Variants in MACROD2 observed in about 807,000 individuals in gnomAD.
MACROD2 encodes ADP-ribose glycohydrolase MACROD2.
In MACROD2, 36 loss-of-function variants were observed where a neutral mutation model predicts 70.4. The ratio of observed to expected loss-of-function variants is 0.51; its 90% CI spans 0.39 to 0.68. The LOEUF (loss-of-function observed/expected upper bound fraction) is 0.68. Among genes scored for constraint, MACROD2 ranks in the 30% least tolerant of loss-of-function variants. The probability of loss-of-function intolerance (pLI) is 0.00; values close to 1 mark genes in which losing one functional copy is unlikely to be tolerated. For synonymous variants in MACROD2, 172 were observed against 178.8 expected (o/e 0.96, Z 0.30); for missense variants, 496 against 538.4 (o/e 0.92, Z 0.78).
intron 5 of MACROD2, among the ~76,000 whole-genome samples, chr20:14,790,789 A>G (rs1213974078): frequency 2.0e-5 from 3 of 152,058 alleles, no homozygotes; most frequent in African/African-American, 7.3e-5. Context: ...TGGAGTTTAG[A>G]CCACAAACAC....
At chr20:14,741,365 T>C (rs1434886427) in intron 5 of MACROD2, among the ~76,000 whole-genome samples, 4 of 152,168 alleles carry the variant, frequency 2.6e-5, no homozygotes, top group African/African-American at 9.7e-5. Flanking sequence ...TCAGAGAAGG[T>C]AATGTTGGCG....
At chr20:14,754,672 T>C (rs1171867365) in intron 5 of MACROD2, among the ~76,000 whole-genome samples, 2 of 152,084 alleles carry the variant, frequency 1.3e-5, no homozygotes, top group African/African-American at 4.8e-5. Context: ...AAGAACACTC[T>C]GGCCCATAGA....
At chr20:14,842,084 C>T (rs1219634813) in intron 5 of MACROD2, among the ~76,000 whole-genome samples, 3 of 152,048 alleles carry the variant, frequency 2.0e-5, no homozygotes, top group Non-Finnish European at 4.4e-5. Context: ...AATTAAAGGG[C>T]TGCATCTGGT....
chr20:14,272,214 GA>G (rs1030519782), intron 3 of MACROD2, among the ~76,000 whole-genome samples: 11 of 152,080 alleles, frequency 7.2e-5, no homozygotes, highest in African/African-American at 2.7e-4. Flanking sequence ...AAGTTGAAAT[GA>G]AGGAAAAAAT....
chr20:14,565,777 T>G (rs1025118152), intron 4 of MACROD2, among the ~76,000 whole-genome samples: 3 of 151,896 alleles, frequency 2.0e-5, no homozygotes, highest in African/African-American at 7.2e-5. Flanking sequence ...CCCCCTGCCT[T>G]TCTCTGGCTT....
Position 14,035,516 on chromosome 20 carries a change from A to G in MACROD2, c.163+33112A>G, listed in dbSNP as rs1484026278. ...AATCTGTAATGTAAAATTCCTGTAAATGACTAAGCAATATGTAAAATATCA... is the reference window on the plus strand; with the variant it reads ...AATCTGTAATGTAAAATTCCTGTAAGTGACTAAGCAATATGTAAAATATCA... On this transcript the variant is annotated intron_variant, in intron 2 of 17. Coordinates refer to ENST00000684519, the MANE Select transcript of MACROD2 (RefSeq NM_001351661.2). Among the ~76,000 whole-genome samples the G allele has an allele frequency of 3.9e-5, 6 of 152,194 alleles. No individual in the cohort carries two copies. The East Asian group carries it at 1.2e-3, about 29-fold the overall frequency.
At chr20:14,424,322 A>G (rs1451363768) in intron 3 of MACROD2, among the ~76,000 whole-genome samples, 1 of 152,122 alleles carries the variant, frequency 6.6e-6, no homozygotes, top group Non-Finnish European at 1.5e-5. Context: ...AGGTTCTAAA[A>G]TGTGACTTAA....
chr20:15,531,283 A>G (rs1848047211), intron 8 of MACROD2, among the ~76,000 whole-genome samples: 1 of 151,486 alleles, frequency 6.6e-6, no homozygotes, highest in Admixed American at 6.6e-5. Context: ...ATTTCTATAT[A>G]ATTATTTTTA....
intron 8 of MACROD2, among the ~76,000 whole-genome samples, chr20:15,821,525 T>G (rs2063937896): frequency 6.6e-6 from 1 of 152,184 alleles, no homozygotes; most frequent in African/African-American, 2.4e-5. Context: ...ACTTTTAGTT[T>G]TCTTATTGAA....
intron 4 of MACROD2, among the ~76,000 whole-genome samples, chr20:14,646,583 A>G (rs1011759639): frequency 6.6e-6 from 1 of 152,004 alleles, no homozygotes; most frequent in South Asian, 2.1e-4. Context: ...TTTTTTTTCC[A>G]TAGTAAAAAA....
intron 2 of MACROD2, among the ~76,000 whole-genome samples, chr20:14,049,578 T>TA (rs770690841): frequency 4.4e-3 from 526 of 118,210 alleles, no homozygotes; most frequent in East Asian, 7.8e-3. Context: ...CTGTCTCTAC[T>TA]AAAAAAAAAA....
intron 4 of MACROD2, among the ~76,000 whole-genome samples, chr20:14,516,808 T>C (rs665057): frequency 0.18 from 27,554 of 152,064 alleles, 2,790 homozygotes; most frequent in South Asian, 0.36. Flanking sequence ...AAAGGGCTAA[T>C]ATCCAGAATC....
chr20:15,805,688 C>T (rs968787391), intron 8 of MACROD2, among the ~76,000 whole-genome samples: 6 of 152,114 alleles, frequency 3.9e-5, no homozygotes, highest in African/African-American at 1.4e-4. Context: ...GTTGGTAAGG[C>T]TGGTCTCAAA....
intron 3 of MACROD2, among the ~76,000 whole-genome samples, chr20:14,243,369 A>T (rs1321183254): frequency 1.3e-5 from 2 of 152,116 alleles, no homozygotes; most frequent in African/African-American, 4.8e-5. Context: ...TTGCTTTTTC[A>T]TCTACAAGTT....
intron 6 of MACROD2, among the ~76,000 whole-genome samples, chr20:15,342,379 T>C (rs759559627): frequency 2.6e-5 from 4 of 152,156 alleles, no homozygotes; most frequent in Non-Finnish European, 4.4e-5. Context: ...GAGTTACGAC[T>C]TGGCTTGTAT....
intron 5 of MACROD2, among the ~76,000 whole-genome samples, chr20:14,906,783 A>G (rs1368848672): frequency 1.3e-5 from 2 of 152,194 alleles, no homozygotes; most frequent in African/African-American, 4.8e-5. Context: ...CTCAGGACTT[A>G]AAACTGCTTC....
At chr20:15,282,771 G>A (rs916750810) in intron 6 of MACROD2, among the ~76,000 whole-genome samples, 1 of 152,100 alleles carries the variant, frequency 6.6e-6, no homozygotes, top group African/African-American at 2.4e-5. Context: ...TCCAACCTCT[G>A]CCTGTTACCC....
intron 8 of MACROD2, among the ~76,000 whole-genome samples, chr20:15,681,577 G>A (rs2050160593): frequency 6.6e-6 from 1 of 152,172 alleles, no homozygotes; most frequent in Non-Finnish European, 1.5e-5. Context: ...TTTGTTTGGG[G>A]CTTCAGGTGT....
chr20:14,260,052 C>G (rs1040662118), intron 3 of MACROD2, among the ~76,000 whole-genome samples: 5 of 152,168 alleles, frequency 3.3e-5, no homozygotes, highest in Non-Finnish European at 7.3e-5. Flanking sequence ...CATATCCACC[C>G]TCAAATTAAG....
Sources: gnomAD v4.1 joint callset for allele counts (sites outside exome capture counted in the v4.1 genomes callset) on GRCh38, gnomAD v4.1.1 for gene constraint, MANE v1.5 for transcripts, NCBI Gene and HGNC (gene_info 2026-07-23, HGNC 2026-07-21) for gene names.